RGS6: variants seen among roughly 807,000 people sequenced by gnomAD.
RGS6 encodes regulator of G-protein signaling 6.
Under a neutral mutation model 78.5 loss-of-function variants are expected in RGS6, and 30 were observed. The ratio of observed to expected loss-of-function variants is 0.38; its 90% confidence interval spans 0.29 to 0.52. The LOEUF (loss-of-function observed/expected upper bound fraction) is 0.52, where lower values mean the gene tolerates loss of function less well. RGS6 is among the 20% of genes least tolerant of loss of function. The probability of loss-of-function intolerance (pLI) is 0.85; values close to 1 mark genes in which losing one functional copy is unlikely to be tolerated. For synonymous variants in RGS6, 206 were observed against 206.0 expected (o/e 1.00, Z 0.00); for missense variants, 495 against 609.7 (o/e 0.81, Z 1.98).
At chr14:71,876,020 T>C in the RGS6 span, among the ~76,000 whole-genome samples, 1 of 152,230 alleles carries the variant, frequency 6.6e-6, no homozygotes, top group Non-Finnish European at 1.5e-5. Flanking sequence ...CAATTTCTTA[T>C]AATTTCTGTT....
At chr14:72,588,243 A>C in the RGS6 span, among the ~76,000 whole-genome samples, 126,925 of 152,064 alleles carry the variant, frequency 0.83, 53,133 homozygotes, top group East Asian at 0.92. Flanking sequence ...CTGTGGGAGT[A>C]CTTGGGAACT....
intron 2 of RGS6, among the ~76,000 whole-genome samples, chr14:72,297,432 T>TTATTATTA (rs1567692494): frequency 1.4e-5 from 2 of 142,590 alleles, no homozygotes; most frequent in African/African-American, 5.7e-5. Context: ...TATTATTATT[T>TTATTATTA]TTTTTTTATA....
In RGS6 at chr14:72,416,004, C is replaced by T. The variant is rs1001510441; in HGVS notation, c.185-38524C>T. Among the ~76,000 whole-genome samples, 12 of 152,056 alleles carry T rather than the reference C, an allele frequency of 7.9e-5. 1 individual carries two copies. The South Asian group carries it at 1.0e-3, about 13-fold the overall frequency. On this transcript the variant is annotated intron_variant, in intron 3 of 17. Transcript: ENST00000553525. ...CTCTACTAAAAATACAAAAATTAGC[C>T]AGGTGGGGTGTTGCGTGCCTGTAAT...
At chr14:71,878,351 T>C in the RGS6 span, among the ~76,000 whole-genome samples, 3 of 152,208 alleles carry the variant, frequency 2.0e-5, no homozygotes, top group African/African-American at 7.2e-5. Context: ...TCCTGGCCAC[T>C]TTGTTTACCC....
chr14:71,984,933 C>T (rs192259797), intron 2 of RGS6, among the ~76,000 whole-genome samples: 2 of 152,044 alleles, frequency 1.3e-5, no homozygotes, highest in Non-Finnish European at 2.9e-5. Context: ...CTCACATATT[C>T]CTATCATGCA....
At chr14:72,015,977 C>A (rs1293617356) in intron 2 of RGS6, among the ~76,000 whole-genome samples, 1 of 151,866 alleles carries the variant, frequency 6.6e-6, no homozygotes, top group Non-Finnish European at 1.5e-5. Context: ...TTAATGGGCC[C>A]CAAATATCTT....
rs2060810907 is a variant in RGS6, at chr14:72,277,170, G to A, written c.85-74925G>A. ...AGGTTTGTGAGCAGTGCTGGAGCTG[G>A]GCTCTTCCAGGTGCATTCACAATAG... On this transcript the variant is annotated intron_variant, in intron 2 of 17. Coordinates refer to ENST00000553525, the MANE Select transcript of RGS6 (RefSeq NM_001204424.2). Among the ~76,000 whole-genome samples, 2 of 152,148 alleles carry A rather than the reference G, an allele frequency of 1.3e-5. 1 individual carries two copies. The highest frequency in any genetic ancestry group is 4.1e-4 in the South Asian group (2 of 4,826).
chr14:72,190,413 T>G lies in RGS6; in HGVS notation c.85-161682T>G, dbSNP rs568574599. 6.9e-4 allele frequency among the ~76,000 whole-genome samples: 105 copies of G among 152,332 alleles called. 1 individual carries two copies. The highest frequency in any genetic ancestry group is 2.4e-3 in the African/African-American group (98 of 41,570). The stretch of plus-strand genomic sequence containing the variant: ...ACATTGTGGAATGTGTGTGTGTGTG[T>G]TGTTGGAGACAGCTTTTGCTTGGGC... On this transcript the variant is annotated intron_variant, in intron 2 of 17. Transcript: ENST00000553525.
chr14:71,997,748 A>G (rs555997679), intron 2 of RGS6, among the ~76,000 whole-genome samples: 2 of 152,208 alleles, frequency 1.3e-5, no homozygotes, highest in Non-Finnish European at 2.9e-5. Flanking sequence ...ACTTACAGGT[A>G]GCAATAGCTT....
At chr14:72,203,088 G>A (rs1286816799) in intron 2 of RGS6, among the ~76,000 whole-genome samples, 1 of 152,014 alleles carries the variant, frequency 6.6e-6, no homozygotes, top group Non-Finnish European at 1.5e-5. Context: ...TGTTAGCCAG[G>A]ATGGTCTCGA....
intron 17 of RGS6, among the ~76,000 whole-genome samples, chr14:72,546,724 G>A (rs1310968066): frequency 1.3e-5 from 2 of 152,204 alleles, no homozygotes; most frequent in East Asian, 3.8e-4. Context: ...AATGTGCCAA[G>A]CAGTCAAGTG....
the RGS6 span, among the ~76,000 whole-genome samples, chr14:71,920,314 A>G: frequency 6.6e-6 from 1 of 152,218 alleles, no homozygotes; most frequent in South Asian, 2.1e-4. Context: ...ACTTTTGGCC[A>G]CCTTTGTCTT....
chr14:72,160,304 TAATC>T (rs1179679625), intron 2 of RGS6, among the ~76,000 whole-genome samples: 1 of 151,940 alleles, frequency 6.6e-6, no homozygotes, highest in African/African-American at 2.4e-5. Context: ...TTTTCCCTCA[TAATC>T]AAATCAACCT....
chr14:72,172,143 G>T (rs1396492276), intron 2 of RGS6, among the ~76,000 whole-genome samples: 1 of 152,020 alleles, frequency 6.6e-6, no homozygotes, highest in Non-Finnish European at 1.5e-5. Flanking sequence ...CAAGGAAATC[G>T]ATTTCATTCC....
chr14:72,068,498 AT>A (rs11330539), intron 2 of RGS6, among the ~76,000 whole-genome samples: 66,663 of 116,742 alleles, frequency 0.57, 16,503 homozygotes, highest in East Asian at 0.69. Context: ...CACTCTTCCT[AT>A]TTTTTTTTTT....
At chr14:72,170,523 A>G (rs1359821081) in intron 2 of RGS6, among the ~76,000 whole-genome samples, 1 of 152,202 alleles carries the variant, frequency 6.6e-6, no homozygotes, top group Non-Finnish European at 1.5e-5. Flanking sequence ...TTCCTATGAG[A>G]GCCCAATTAA....
At chr14:72,372,919 G>A (rs1001208234) in intron 3 of RGS6, among the ~76,000 whole-genome samples, 1 of 152,192 alleles carries the variant, frequency 6.6e-6, no homozygotes, top group African/African-American at 2.4e-5. Context: ...GAGGCTAAGA[G>A]GCTGCATGGG....
intron 2 of RGS6, among the ~76,000 whole-genome samples, chr14:72,063,310 C>T (rs1318389272): frequency 6.6e-6 from 1 of 152,112 alleles, no homozygotes; most frequent in African/African-American, 2.4e-5. Context: ...TACATGAAGA[C>T]AGTGCCAAGG....
chr14:72,343,736 T>A (rs1189160822), intron 2 of RGS6, among the ~76,000 whole-genome samples: 1 of 152,186 alleles, frequency 6.6e-6, no homozygotes, highest in Non-Finnish European at 1.5e-5. Context: ...CCAGCTCTGG[T>A]TCATGCCAAT....
Sources: gnomAD v4.1 joint callset for allele counts (sites outside exome capture counted in the v4.1 genomes callset) on GRCh38, gnomAD v4.1.1 for gene constraint, MANE v1.5 for transcripts, NCBI Gene and HGNC (gene_info 2026-07-23, HGNC 2026-07-21) for gene names.